The following SMIM40 variants were observed in gnomAD, a reference collection of about 807,000 sequenced individuals.
The protein encoded by SMIM40 is small integral membrane protein 40.
intron 1 of SMIM40, among the ~76,000 whole-genome samples, chr6:33,327,036 A>C (rs1296156554): frequency 6.7e-6 from 1 of 149,154 alleles, no homozygotes; most frequent in Non-Finnish European, 1.5e-5. Flanking sequence ...AGGCAGGAGA[A>C]TCGCTTGAAC....
intron 1 of SMIM40, among the ~76,000 whole-genome samples, chr6:33,328,487 GC>G (rs1771351541): frequency 6.6e-6 from 1 of 152,074 alleles, no homozygotes; most frequent in Non-Finnish European, 1.5e-5. Flanking sequence ...ACTGTGCCCG[GC>G]CACAATTTTA....
intron 1 of SMIM40, among the ~76,000 whole-genome samples, chr6:33,325,383 G>T (rs1486680225): frequency 1.9e-5 from 2 of 107,698 alleles, no homozygotes; most frequent in Admixed American, 9.4e-5. Context: ...AAAAAAAAAG[G>T]TTTTTTATAG....
chr6:33,325,364 CAA>C (rs9282494), intron 1 of SMIM40, among the ~76,000 whole-genome samples: 14 of 89,338 alleles, frequency 1.6e-4, no homozygotes, highest in Admixed American at 1.2e-4. Context: ...GACTCTGTCT[CAA>C]AAAAAAAAAA....
intron 1 of SMIM40, among the ~76,000 whole-genome samples, chr6:33,326,291 G>T (rs1010768666): frequency 1.4e-5 from 2 of 147,916 alleles, no homozygotes; most frequent in African/African-American, 5.3e-5. Context: ...CTCCTGAGCA[G>T]CTGGGATTAC....
rs182537672 is a variant in SMIM40, at chr6:33,328,641, C to A, written c.*39+346G>T. 3.5e-3 allele frequency among the ~76,000 whole-genome samples: 534 copies of A among 151,788 alleles called. 4 individuals are homozygous for A. The highest frequency in any genetic ancestry group is 0.012 in the African/African-American group (515 of 41,432). On this transcript the variant is annotated intron_variant, in intron 1 of 2. Coordinates refer to ENST00000494082, the MANE Select transcript of SMIM40 (RefSeq NM_001369203.1). The stretch of plus-strand genomic sequence containing the variant: ...CAGTGGCTCACACCTGTAATCCCAG[C>A]GCTTTGGGAGGCCAAGGCAGGCAGA...
intron 1 of SMIM40, among the ~76,000 whole-genome samples, chr6:33,324,545 C>CTTTTTTTTTTTTTTTTTTCTT (rs1771014179): frequency 9.7e-6 from 1 of 103,216 alleles, no homozygotes; most frequent in African/African-American, 3.6e-5. Context: ...ACCACCTTTT[C>CTTTTTTTTTTTTTTTTTTCTT]TTTTTTTTTT....
intron 2 of SMIM40, 45 bp downstream of exon 2, chr6:33,323,926 A>T (rs1237422795): frequency 6.6e-6 from 1 of 152,112 alleles, no homozygotes; most frequent in Non-Finnish European, 1.5e-5. Context: ...CTTCGGGGAG[A>T]GGGGAAAAAA....
At chr6:33,326,842 C>G (rs944584581) in intron 1 of SMIM40, among the ~76,000 whole-genome samples, 4 of 146,318 alleles carry the variant, frequency 2.7e-5, no homozygotes, top group Non-Finnish European at 5.9e-5. Flanking sequence ...AAAAAATAGG[C>G]CGGGCGTGGT....
intron 1 of SMIM40, among the ~76,000 whole-genome samples, chr6:33,327,493 T>C (rs1233832936): frequency 6.7e-6 from 1 of 149,172 alleles, no homozygotes; most frequent in East Asian, 1.9e-4. Context: ...CTTTGGGAAG[T>C]TGAGGTGGGT....
intron 1 of SMIM40, among the ~76,000 whole-genome samples, chr6:33,324,882 CAAAAAAAAAAAAAAAA>C (rs376451265): frequency 4.7e-4 from 22 of 47,244 alleles, no homozygotes; most frequent in African/African-American, 1.6e-3. Flanking sequence ...GAGATTATCT[CAAAAAAAAAAAAAAAA>C]AAAAAAAAAA....
intron 1 of SMIM40, among the ~76,000 whole-genome samples, chr6:33,324,593 A>ATTTT: frequency 7.8e-6 from 1 of 127,906 alleles, no homozygotes; most frequent in African/African-American, 3.0e-5. Context: ...TTTTTTTTAA[A>ATTTT]TGCAGGGTCG....
intron 1 of SMIM40, among the ~76,000 whole-genome samples, chr6:33,324,578 CTT>C (rs530496904): frequency 5.3e-5 from 3 of 56,146 alleles, no homozygotes; most frequent in Non-Finnish European, 1.2e-4. Context: ...TTTCTTTTGT[CTT>C]TTTTTTTTTT....
chr6:33,328,871 A>G (rs1771376221), intron 1 of SMIM40, 116 bp downstream of exon 1: 2 of 378,394 alleles, frequency 5.3e-6, no homozygotes, highest in Non-Finnish European at 9.3e-6. Context: ...AGGTAACAAG[A>G]GCAAAACTCC....
At position 33,328,982 on chromosome 6, in the gene SMIM40, C is replaced by T; in HGVS notation, c.*39+5G>A. 1 of 395,772 alleles carries T rather than the reference C, an allele frequency of 2.5e-6. No homozygotes were observed. Among genetic ancestry groups the T allele is most frequent in the Non-Finnish European group, 4.5e-6 (1 of 224,390 alleles). 24.5% of individuals were successfully genotyped at this position (395,772 alleles called of 1,614,324 possible). On this transcript the variant is annotated splice_donor_5th_base_variant and intron_variant, in intron 1 of 2. Transcript: ENST00000494082. ...CTCCCATTTCCCTCCTGTCTCCCCT[C>T]TCACCTCCTTGGTGGGGAAAGAAGA...
At chr6:33,328,765 A>G (rs1402469333) in intron 1 of SMIM40, among the ~76,000 whole-genome samples, 2 of 151,840 alleles carry the variant, frequency 1.3e-5, no homozygotes, top group Admixed American at 6.6e-5. Context: ...GCATGCCTGT[A>G]ATCCCAGCTA....
chr6:33,325,363 T>G (rs1400960359), intron 1 of SMIM40, among the ~76,000 whole-genome samples: 1 of 38,360 alleles, frequency 2.6e-5, no homozygotes, highest in African/African-American at 1.1e-4. Flanking sequence ...AGACTCTGTC[T>G]CAAAAAAAAA....
chr6:33,324,803 C>G (rs1374041142), intron 1 of SMIM40, among the ~76,000 whole-genome samples: 1 of 133,402 alleles, frequency 7.5e-6, no homozygotes, highest in African/African-American at 2.9e-5. Context: ...GAGAACCGCT[C>G]GAATCCGGGA....
intron 1 of SMIM40, among the ~76,000 whole-genome samples, chr6:33,324,958 G>A (rs1413905821): frequency 6.7e-6 from 1 of 150,170 alleles, no homozygotes; most frequent in African/African-American, 2.5e-5. Context: ...GGAATGCGGT[G>A]GTACGGTCAT....
intron 1 of SMIM40, among the ~76,000 whole-genome samples, chr6:33,325,137 C>A (rs182072115): frequency 6.8e-6 from 1 of 146,810 alleles, no homozygotes; most frequent in Non-Finnish European, 1.5e-5. Flanking sequence ...GAGGCCGAGG[C>A]GGGCGGATCA....
Sources: gnomAD v4.1 joint callset for allele counts (sites outside exome capture counted in the v4.1 genomes callset) on GRCh38, gnomAD v4.1.1 for gene constraint, MANE v1.5 for transcripts, NCBI Gene and HGNC (gene_info 2026-07-23, HGNC 2026-07-21) for gene names.